LANCL2: variants seen among roughly 807,000 people sequenced by gnomAD.
LANCL2 encodes LanC like glutathione S-transferase 2.
A neutral mutation model predicts 56.9 loss-of-function variants in LANCL2; 33 were observed. The observed-to-expected ratio is 0.58, with a 90% CI of 0.44 to 0.78. LANCL2 has a LOEUF of 0.78. LANCL2 is among the 30% of genes least tolerant of loss of function. The pLI is 0.00. For missense variants in LANCL2, 562 were observed against 580.2 expected (o/e 0.97, Z 0.32); for synonymous variants, 233 against 228.2 (o/e 1.02, Z -0.19).
intron 1 of LANCL2, among the ~76,000 whole-genome samples, chr7:55,378,533 CGTGTGTGTGT>C (rs71031838): frequency 1.3e-5 from 2 of 150,264 alleles, no homozygotes; most frequent in African/African-American, 2.4e-5. Flanking sequence ...TATATGTATA[CGTGTGTGTGT>C]GTGTGTGTGT....
chr7:55,391,920 TG>T lies in LANCL2; in HGVS notation c.322+14del, dbSNP rs771845481. ...TATACTGGCTGGACAGGTGAGGCTG[TG>T]GGGTCTAAATCACTGATACATTTTA... On this transcript the variant is annotated intron_variant, in intron 2 of 8. Coordinates refer to ENST00000254770, the MANE Select transcript of LANCL2 (RefSeq NM_018697.4). The T allele has an allele frequency of 1.4e-6, 2 of 1,400,036 alleles. No homozygotes were observed. The highest frequency in any genetic ancestry group is 1.7e-5 in the Admixed American group (1 of 58,008). 86.7% of individuals were successfully genotyped at this position (1,400,036 alleles called of 1,614,324 possible).
intron 2 of LANCL2, among the ~76,000 whole-genome samples, chr7:55,394,465 C>G (rs1790226469): frequency 6.6e-6 from 1 of 152,172 alleles, no homozygotes; most frequent in East Asian, 1.9e-4. Context: ...GAGGCTGAGG[C>G]AGGAGGATGG....
At position 55,373,275 on chromosome 7, in the gene LANCL2, A is replaced by ATATT. The variant is rs55805701; in HGVS notation, c.204+7076_204+7079dup. 6.1e-3 allele frequency among the ~76,000 whole-genome samples: 899 copies of ATATT among 148,036 alleles called. 7 individuals carry two copies. The highest frequency in any genetic ancestry group is 0.021 in the Middle Eastern group (6 of 288). The stretch of plus-strand genomic sequence containing the variant: ...GAGTTATTATTTTTTAATTTTTTAA[A>ATATT]TATTTATTTATTTATTTATTTATTT... On this transcript the variant is annotated intron_variant, in intron 1 of 8. Transcript: ENST00000254770.
intron 1 of LANCL2, among the ~76,000 whole-genome samples, chr7:55,377,703 TG>T (rs1790018859): frequency 1.3e-5 from 2 of 152,212 alleles, no homozygotes; most frequent in Admixed American, 6.5e-5. Context: ...ATAATACACT[TG>T]GGCATTCTTG....
intron 5 of LANCL2, among the ~76,000 whole-genome samples, chr7:55,409,406 T>C (rs770895486): frequency 1.3e-5 from 2 of 152,066 alleles, no homozygotes; most frequent in Non-Finnish European, 2.9e-5. Context: ...AAGTTTTGAG[T>C]AAAAATGATT....
At chr7:55,380,869 CT>C (rs66710499) in intron 1 of LANCL2, among the ~76,000 whole-genome samples, 34,018 of 118,418 alleles carry the variant, frequency 0.29, 4,530 homozygotes, top group Non-Finnish European at 0.35. Flanking sequence ...GAGTGAATTT[CT>C]TTTTTTTTTT....
chr7:55,428,121 A>C, intron 7 of LANCL2: 1 of 550,508 alleles, frequency 1.8e-6, no homozygotes, highest in South Asian at 2.4e-5. Flanking sequence ...AGTGTCGTTG[A>C]GCCGTTCGGT....
chr7:55,393,176 G>A (rs1298241842), intron 2 of LANCL2, among the ~76,000 whole-genome samples: 2 of 152,154 alleles, frequency 1.3e-5, no homozygotes, highest in Admixed American at 6.5e-5. Flanking sequence ...AGTCCAAATT[G>A]CTAATGACAA....
intron 5 of LANCL2, among the ~76,000 whole-genome samples, chr7:55,407,055 C>T (rs1305764260): frequency 1.3e-5 from 2 of 152,192 alleles, no homozygotes; most frequent in Non-Finnish European, 2.9e-5. Context: ...GACTCTCTGG[C>T]ACAGGAGGCT....
intron 5 of LANCL2, among the ~76,000 whole-genome samples, chr7:55,408,123 A>G (rs947157694): frequency 3.3e-5 from 5 of 152,276 alleles, no homozygotes; most frequent in African/African-American, 1.2e-4. Context: ...TGTTGCATCC[A>G]AGAAACAAAC....
At chr7:55,416,874 T>A (rs1790545449) in intron 6 of LANCL2, among the ~76,000 whole-genome samples, 1 of 152,058 alleles carries the variant, frequency 6.6e-6, no homozygotes, top group South Asian at 2.1e-4. Flanking sequence ...TAGATAATAC[T>A]CTCCTTTAAT....
intron 2 of LANCL2, among the ~76,000 whole-genome samples, chr7:55,395,073 T>C (rs1035450474): frequency 6.6e-6 from 1 of 152,196 alleles, no homozygotes; most frequent in African/African-American, 2.4e-5. Flanking sequence ...ACTCCCTGTA[T>C]GTAACATACA....
Position 55,412,021 on chromosome 7 carries a change from A to G in LANCL2, c.940A>G (p.Thr314Ala). Reference sequence around the variant, plus strand: ...TTACCCATCATCATTAAGCAATGAAACAGACCGGCTGGTGCACTGGTGCCA... The same window carrying G: ...TTACCCATCATCATTAAGCAATGAAGCAGACCGGCTGGTGCACTGGTGCCA... Reference protein sequence around the residue: ...GNYPSSLSNETDRLVHWCHGA... With the variant: ...GNYPSSLSNEADRLVHWCHGA... Residue 314 changes from threonine (T) to alanine (A), a missense_variant, in exon 6 of 9, where the codon ACA becomes GCA. This residue lies in a region of LANCL2 where 378 missense variants were observed against 468.4 expected (regional missense o/e 0.81). Coordinates refer to ENST00000254770, the MANE Select transcript of LANCL2 (RefSeq NM_018697.4). The G allele has an allele frequency of 1.2e-6, 2 of 1,614,238 alleles. No homozygotes were observed. Among genetic ancestry groups the G allele is most frequent in the Non-Finnish European group, 1.7e-6 (2 of 1,180,032 alleles).
intron 2 of LANCL2, among the ~76,000 whole-genome samples, chr7:55,393,012 TACAC>T (rs1179032397): frequency 6.6e-6 from 1 of 152,234 alleles, no homozygotes; most frequent in African/African-American, 2.4e-5. Context: ...CAACCAATAA[TACAC>T]TTCACATCAA....
At chr7:55,371,316 C>T (rs933202970) in intron 1 of LANCL2, among the ~76,000 whole-genome samples, 8 of 152,132 alleles carry the variant, frequency 5.3e-5, no homozygotes, top group Non-Finnish European at 7.4e-5. Flanking sequence ...GGCTCCCTCC[C>T]GAGCTCAAAT....
At chr7:55,382,974 T>G (rs1316351280) in intron 1 of LANCL2, among the ~76,000 whole-genome samples, 2 of 152,246 alleles carry the variant, frequency 1.3e-5, no homozygotes, top group Non-Finnish European at 2.9e-5. Context: ...TAAATTCCTC[T>G]TGGCCAGCAT....
chr7:55,422,310 T>C (rs1790617372), intron 6 of LANCL2, among the ~76,000 whole-genome samples: 1 of 152,124 alleles, frequency 6.6e-6, no homozygotes, highest in African/African-American at 2.4e-5. Flanking sequence ...CTGGGTTGAC[T>C]TTTTTTTCTT....
intron 1 of LANCL2, among the ~76,000 whole-genome samples, chr7:55,369,519 A>G (rs1789913722): frequency 6.6e-6 from 1 of 152,200 alleles, no homozygotes; most frequent in Non-Finnish European, 1.5e-5. Flanking sequence ...AATATTATGA[A>G]AAGCAGTGAA....
At chr7:55,412,239 C>G (rs1009299265) in intron 6 of LANCL2, 150 bp downstream of exon 6, 1 of 650,944 alleles carries the variant, frequency 1.5e-6, no homozygotes, top group Admixed American at 3.2e-5. Context: ...CTGTATTTTA[C>G]CACTCATCAC....
Sources: allele counts gnomAD v4.1 joint callset (sites outside exome capture counted in the v4.1 genomes callset), GRCh38; gene constraint gnomAD v4.1.1; regional missense constraint gnomAD v4.1.1; transcripts MANE v1.5; gene names NCBI Gene and HGNC (gene_info 2026-07-23, HGNC 2026-07-21).